The following ADAMTSL1 variants were observed in gnomAD, a reference collection of about 807,000 sequenced individuals.
ADAMTSL1 encodes the protein ADAMTS-like protein 1.
In ADAMTSL1, 126 loss-of-function variants were observed where a neutral mutation model predicts 201.8. The observed-to-expected ratio is 0.62, with a 90% CI of 0.54 to 0.72. The LOEUF (loss-of-function observed/expected upper bound fraction) is 0.72. ADAMTSL1 is among the 30% of genes least tolerant of loss of function. ADAMTSL1 has a pLI of 0.00. For missense variants in ADAMTSL1, 2,679 were observed against 2,277.8 expected (o/e 1.18, Z -3.59); for synonymous variants, 1,121 against 903.4 (o/e 1.24, Z -4.32).
At chr9:18,665,080 G>A (rs984933094) in intron 9 of ADAMTSL1, among the ~76,000 whole-genome samples, 3 of 151,904 alleles carry the variant, frequency 2.0e-5, no homozygotes, top group African/African-American at 4.8e-5. Context: ...CCTCAGTTAT[G>A]TCTAGTTGAA....
chr9:18,532,425 A>G (rs1819500670), intron 2 of ADAMTSL1, among the ~76,000 whole-genome samples: 1 of 152,196 alleles, frequency 6.6e-6, no homozygotes, highest in Admixed American at 6.5e-5. Context: ...GGTTTACCAT[A>G]CTATCATTTA....
In ADAMTSL1 at chr9:17,925,363, C is replaced by T. The variant is rs1200175146; in HGVS notation, c.87+18441C>T. On this transcript the variant is annotated intron_variant, in intron 1 of 29. Transcript: ENST00000680146. Reference sequence around the variant, plus strand: ...AGCCATCCCATTACTGAGTATATACCCATATGACTATAAATCATGCTGCTA... The same window carrying T: ...AGCCATCCCATTACTGAGTATATACTCATATGACTATAAATCATGCTGCTA... 4.6e-4 allele frequency among the ~76,000 whole-genome samples: 55 copies of T among 119,698 alleles called. 13 individuals carry two copies. In the South Asian group the frequency reaches 0.017, roughly 38 times the overall value. The allele number at this position is 119,698 out of a possible 152,430, so 78.5% of individuals were successfully genotyped here.
At chr9:18,336,036 T>C (rs1431152359) in intron 2 of ADAMTSL1, among the ~76,000 whole-genome samples, 3 of 152,124 alleles carry the variant, frequency 2.0e-5, no homozygotes, top group Non-Finnish European at 1.5e-5. Context: ...TATATGAAGA[T>C]GAGTAAACAA....
chr9:18,361,297 T>C (rs1836508459), intron 2 of ADAMTSL1, among the ~76,000 whole-genome samples: 1 of 152,212 alleles, frequency 6.6e-6, no homozygotes, highest in Admixed American at 6.5e-5. Context: ...AGGAATCATC[T>C]ATAATTATTC....
chr9:18,657,700 A>G lies in ADAMTSL1; in HGVS notation c.896A>G (p.His299Arg), dbSNP rs1245383646. The G allele has an allele frequency of 6.2e-7, 1 of 1,614,050 alleles. No homozygotes were observed. The highest frequency in any genetic ancestry group is 2.2e-5 in the East Asian group (1 of 44,900). The change falls in exon 8 of 29, where the codon CAC (histidine) becomes CGC (arginine). Residue 299 changes from histidine to arginine, a missense_variant. Transcript: ENST00000380548. ...VQFIFYQPIIHRWRETDFFPC... is the reference protein window; with the variant it reads ...VQFIFYQPIIRRWRETDFFPC... ...TTCATCTTCTATCAACCCATCATCC[A>G]CCGATGGAGGGAGACGGATTTCTTT...
Position 18,684,739 on chromosome 9 carries a change from T to C in ADAMTSL1, c.1513T>C (p.Leu505=). 1.2e-6 allele frequency: 2 copies of C among 1,613,144 alleles called. No homozygotes were observed. The highest frequency in any genetic ancestry group is 1.7e-6 in the Non-Finnish European group (2 of 1,179,728). The part of the protein sequence containing the change: ...PKEKLPVEAK[L]PWFKQAQELE... ...AGAGAAACTTCCAGTCGAGGCCAAG[T>C]TGCCATGGTTCAAACAAGCTCAAGA... is the stretch of plus-strand genomic sequence containing the variant. Residue 505 remains leucine (L), a synonymous_variant, in exon 13 of 29, where the codon TTG becomes CTG. Coordinates refer to ENST00000380548, the MANE Select transcript of ADAMTSL1 (RefSeq NM_001040272.6).
chr9:18,817,270 A>C (rs973161374), intron 21 of ADAMTSL1, 33 bp downstream of exon 21: 70 of 1,546,304 alleles, frequency 4.5e-5, no homozygotes, highest in Non-Finnish European at 5.9e-5. Context: ...TTCACACGTT[A>C]ATGGAGCCCT....
At chr9:18,855,855 G>T (rs2131391260) in intron 23 of ADAMTSL1, among the ~76,000 whole-genome samples, 1 of 152,284 alleles carries the variant, frequency 6.6e-6, no homozygotes, top group South Asian at 2.1e-4. Context: ...TCTTTGAAGT[G>T]GTATCAAGAG....
intron 14 of ADAMTSL1, chr9:18,717,841 GC>G: frequency 1.4e-6 from 1 of 691,202 alleles, no homozygotes; most frequent in Non-Finnish European, 2.6e-6. Flanking sequence ...GCTTTCATAT[GC>G]TCTTAAAGGG....
intron 2 of ADAMTSL1, among the ~76,000 whole-genome samples, chr9:18,326,841 C>G (rs536475565): frequency 6.6e-6 from 1 of 152,114 alleles, no homozygotes; most frequent in Non-Finnish European, 1.5e-5. Flanking sequence ...GAGAATGTCT[C>G]TAATATAAGG....
chr9:18,737,238 G>A lies in ADAMTSL1; in HGVS notation c.2006+15573G>A, dbSNP rs536181398. Among the ~76,000 whole-genome samples the A allele has an allele frequency of 2.0e-5, 3 of 148,708 alleles. No individual in the cohort carries two copies. In the Admixed American group the frequency reaches 2.0e-4, roughly 10 times the overall value. On this transcript the variant is annotated intron_variant, in intron 15 of 28. Coordinates refer to ENST00000380548, the MANE Select transcript of ADAMTSL1 (RefSeq NM_001040272.6). The stretch of plus-strand genomic sequence containing the variant: ...GGAGGCTGAGGCAGGAGAACCACTT[G>A]AACCCGGGAGGTGGAGGTTGCAGTG...
chr9:18,015,530 C>T (rs928822964), intron 1 of ADAMTSL1, among the ~76,000 whole-genome samples: 49 of 152,218 alleles, frequency 3.2e-4, no homozygotes, highest in African/African-American at 1.2e-3. Flanking sequence ...GTCTGTGATA[C>T]AAGGACTACA....
chr9:18,223,280 A>G (rs1398239253), intron 2 of ADAMTSL1, among the ~76,000 whole-genome samples: 1 of 152,104 alleles, frequency 6.6e-6, no homozygotes. Context: ...GGGGTTTCAG[A>G]TTTGAAATGA....
chr9:18,316,964 T>C (rs1426736213), intron 2 of ADAMTSL1, among the ~76,000 whole-genome samples: 1 of 152,174 alleles, frequency 6.6e-6, no homozygotes, highest in African/African-American at 2.4e-5. Context: ...ATAGCCAAGA[T>C]ATGGAAATGA....
chr9:18,169,584 A>G (rs182861816), intron 2 of ADAMTSL1, among the ~76,000 whole-genome samples: 4 of 151,812 alleles, frequency 2.6e-5, no homozygotes, highest in South Asian at 2.1e-4. Context: ...TGTTCTTTTG[A>G]CTTAGGATTG....
intron 23 of ADAMTSL1, among the ~76,000 whole-genome samples, chr9:18,861,627 G>A (rs765873658): frequency 3.9e-5 from 6 of 152,220 alleles, no homozygotes; most frequent in Non-Finnish European, 8.8e-5. Context: ...CCCTTCAGAT[G>A]CCCATCACAC....
chr9:18,668,318 G>T (rs1047336090), intron 9 of ADAMTSL1, among the ~76,000 whole-genome samples: 2 of 152,092 alleles, frequency 1.3e-5, no homozygotes, highest in African/African-American at 4.8e-5. Context: ...TTCTTAGAAT[G>T]CATGATCATA....
intron 7 of ADAMTSL1, among the ~76,000 whole-genome samples, chr9:18,651,896 T>G (rs939062059): frequency 2.0e-4 from 30 of 151,288 alleles, no homozygotes; most frequent in Non-Finnish European, 3.4e-4. Context: ...TGGGAATTTA[T>G]TAAGTTTATA....
chr9:18,187,241 T>C (rs1385099750), intron 2 of ADAMTSL1, among the ~76,000 whole-genome samples: 2 of 152,126 alleles, frequency 1.3e-5, no homozygotes, highest in South Asian at 2.1e-4. Context: ...CTACTCTCCA[T>C]GGAGTACAGT....
Sources: gnomAD v4.1 joint callset for allele counts (sites outside exome capture counted in the v4.1 genomes callset) on GRCh38, gnomAD v4.1.1 for gene constraint, MANE v1.5 for transcripts, NCBI Gene and HGNC (gene_info 2026-07-23, HGNC 2026-07-21) for gene names.